The following DNAJC8 variants were observed in gnomAD, a reference collection of about 807,000 sequenced individuals.
DNAJC8 encodes the protein dnaJ homolog subfamily C member 8.
A neutral mutation model predicts 43.2 loss-of-function variants in DNAJC8; 24 were observed. The observed-to-expected ratio is 0.56, with a 90% CI of 0.40 to 0.78. DNAJC8 has a LOEUF of 0.78. Ranked by LOEUF, DNAJC8 falls within the 30% of genes least tolerant of loss-of-function variation. The pLI is 0.00. For missense variants in DNAJC8, 207 were observed against 299.4 expected, an observed-to-expected ratio of 0.69 and a Z score of 2.28; for synonymous variants, 83 against 98.0, an observed-to-expected ratio of 0.85 and a Z score of 0.90.
chr1:28,213,476 A>T (rs746998096), intron 3 of DNAJC8, among the ~76,000 whole-genome samples: 3 of 152,158 alleles, frequency 2.0e-5, no homozygotes, highest in Non-Finnish European at 4.4e-5. Flanking sequence ...GCTTAACTGT[A>T]GATCAGAAAA....
intron 6 of DNAJC8, among the ~76,000 whole-genome samples, chr1:28,206,735 T>A (rs1160467432): frequency 6.6e-6 from 1 of 152,248 alleles, no homozygotes; most frequent in East Asian, 1.9e-4. Flanking sequence ...AGTACAAAAG[T>A]AATCTGTCAT....
In DNAJC8 at chr1:28,210,677, C is replaced by G. The variant is rs755230029; in HGVS notation, c.238-40G>C. ...AAGTTGGGGTTGTCAATAAGGGAAACATTTACTAACTTCCAGCCTGCCCTG... is the reference window on the plus strand; with the variant it reads ...AAGTTGGGGTTGTCAATAAGGGAAAGATTTACTAACTTCCAGCCTGCCCTG... On this transcript the variant is annotated intron_variant, in intron 3 of 8. Coordinates refer to ENST00000263697, the MANE Select transcript of DNAJC8 (RefSeq NM_014280.3). 5.2e-6 allele frequency: 8 copies of G among 1,535,330 alleles called. No homozygotes were observed. The East Asian group carries it at 1.6e-4, about 30-fold the overall frequency.
At chr1:28,208,689 A>C in intron 5 of DNAJC8, 1 of 234,574 alleles carries the variant, frequency 4.3e-6, no homozygotes, top group Non-Finnish European at 8.2e-6. Context: ...TCCCCAACTC[A>C]TCAGATCCAA....
At chr1:28,231,191 C>G (rs1646971771) in intron 1 of DNAJC8, among the ~76,000 whole-genome samples, 1 of 151,732 alleles carries the variant, frequency 6.6e-6, no homozygotes, top group African/African-American at 2.4e-5. Context: ...GGCAACACAA[C>G]AAGACCCTGT....
chr1:28,201,021 T>G lies in DNAJC8; in HGVS notation c.*227A>C. On this transcript the variant is annotated 3_prime_UTR_variant, in exon 9 of 9. Coordinates refer to ENST00000263697, the MANE Select transcript of DNAJC8 (RefSeq NM_014280.3). Reference sequence around the variant, plus strand: ...CACCAATGGTGGCACCTTCTAATACTGGTTGTTCTAGGGGCAGGGAGAGGG... The same window carrying G: ...CACCAATGGTGGCACCTTCTAATACGGGTTGTTCTAGGGGCAGGGAGAGGG... 1 of 567,692 alleles carries G rather than the reference T, an allele frequency of 1.8e-6. No individual in the cohort carries two copies. The highest frequency in any genetic ancestry group is 3.0e-6 in the Non-Finnish European group (1 of 329,792). 35.2% of individuals were successfully genotyped at this position (567,692 alleles called of 1,614,324 possible).
chr1:28,232,535 AAAC>A (rs1458774911), intron 1 of DNAJC8, among the ~76,000 whole-genome samples: 1 of 152,154 alleles, frequency 6.6e-6, no homozygotes, highest in Non-Finnish European at 1.5e-5. Flanking sequence ...TGAATGGCAG[AAAC>A]AACCACTAAA....
chr1:28,224,699 T>C (rs956387516), intron 2 of DNAJC8, among the ~76,000 whole-genome samples: 5 of 151,824 alleles, frequency 3.3e-5, no homozygotes, highest in Non-Finnish European at 1.5e-5. Context: ...CCTGGCCAGC[T>C]TGGTGAAACC....
chr1:28,205,370 A>G (rs778257569), intron 6 of DNAJC8, 21 bp from the exon 7 acceptor site: 2 of 1,557,256 alleles, frequency 1.3e-6, no homozygotes, highest in Non-Finnish European at 1.8e-6. Flanking sequence ...ATCAAGAACA[A>G]AAGAAAATCA....
rs1463759749 is a variant in DNAJC8 at position 28,201,015 on chromosome 1, T to C, written c.*233A>G. On this transcript the variant is annotated 3_prime_UTR_variant, in exon 9 of 9. Coordinates refer to ENST00000263697, the MANE Select transcript of DNAJC8 (RefSeq NM_014280.3). ...AGGCAGCACCAATGGTGGCACCTTC[T>C]AATACTGGTTGTTCTAGGGGCAGGG... The C allele has an allele frequency of 2.4e-5, 13 of 552,914 alleles. No individual in the cohort carries two copies. Among genetic ancestry groups the C allele is most frequent in the Non-Finnish European group, 4.1e-5 (13 of 317,892 alleles). The allele number at this position is 552,914 out of a possible 1,614,324, so 34.3% of individuals were successfully genotyped here. A position where few individuals can be genotyped will look rare whatever the true frequency, so the allele number is the denominator to read the frequency against.
chr1:28,225,412 A>G (rs189577536), intron 2 of DNAJC8, among the ~76,000 whole-genome samples: 3 of 151,458 alleles, frequency 2.0e-5, no homozygotes, highest in Admixed American at 6.6e-5. Context: ...AAAAAACAGA[A>G]AACAGATGAA....
At chr1:28,223,521 G>A (rs1396316301) in intron 2 of DNAJC8, among the ~76,000 whole-genome samples, 1 of 151,914 alleles carries the variant, frequency 6.6e-6, no homozygotes. Flanking sequence ...GGGAAGGAGT[G>A]GCAGTGGGAA....
chr1:28,232,884 G>T (rs573802098), intron 1 of DNAJC8, 37 bp downstream of exon 1: 1 of 1,605,864 alleles, frequency 6.2e-7, no homozygotes, highest in South Asian at 1.1e-5. Flanking sequence ...TCCGGGAGCG[G>T]TCGCCCCGGT....
chr1:28,215,451 G>A (rs1312426713), intron 2 of DNAJC8, among the ~76,000 whole-genome samples: 1 of 152,080 alleles, frequency 6.6e-6, no homozygotes, highest in East Asian at 1.9e-4. Flanking sequence ...ATCACCTGTG[G>A]AAACCTGTGA....
At chr1:28,227,545 T>C (rs1646945156) in intron 2 of DNAJC8, among the ~76,000 whole-genome samples, 1 of 151,880 alleles carries the variant, frequency 6.6e-6, no homozygotes, top group African/African-American at 2.4e-5. Context: ...TAAGCCATGA[T>C]TGCACCACTG....
chr1:28,218,562 G>A (rs190198282), intron 2 of DNAJC8, among the ~76,000 whole-genome samples: 33 of 152,024 alleles, frequency 2.2e-4, no homozygotes, highest in Admixed American at 3.9e-4. Flanking sequence ...GACTGTAAGT[G>A]CGTGGAGCAC....
chr1:28,214,085 A>AT (rs201545471), intron 3 of DNAJC8, among the ~76,000 whole-genome samples: 7 of 150,048 alleles, frequency 4.7e-5, no homozygotes, highest in Non-Finnish European at 7.4e-5. Flanking sequence ...AACTGGAAGG[A>AT]TTTTTTTTTT....
At chr1:28,225,710 T>C (rs1188789348) in intron 2 of DNAJC8, among the ~76,000 whole-genome samples, 2 of 149,820 alleles carry the variant, frequency 1.3e-5, no homozygotes, top group East Asian at 3.9e-4. Context: ...TGGTAATTTT[T>C]TTTTTTTTTT....
rs542442410 is a variant in DNAJC8, at chr1:28,229,977, G to C, written c.79-954C>G. Among the ~76,000 whole-genome samples the C allele has an allele frequency of 3.3e-5, 5 of 152,248 alleles. No homozygotes were observed. The South Asian group carries it at 1.0e-3, about 32-fold the overall frequency. ...AAAATCCCTGACTTGGCCAGGCGGAGTAGCTGTCACCTGTAATCCCAACAT... is the reference window on the plus strand; with the variant it reads ...AAAATCCCTGACTTGGCCAGGCGGACTAGCTGTCACCTGTAATCCCAACAT... On this transcript the variant is annotated intron_variant, in intron 1 of 8. Transcript: ENST00000263697.
At chr1:28,208,515 A>T in intron 5 of DNAJC8, 102 bp from the exon 6 acceptor site, 2 of 587,838 alleles carry the variant, frequency 3.4e-6, no homozygotes, top group Non-Finnish European at 5.3e-6. Flanking sequence ...AGGCACGGGT[A>T]TAGCAAAAAG....
Sources: gnomAD v4.1 joint callset for allele counts (sites outside exome capture counted in the v4.1 genomes callset) on GRCh38, gnomAD v4.1.1 for gene constraint, MANE v1.5 for transcripts, NCBI Gene and HGNC (gene_info 2026-07-23, HGNC 2026-07-21) for gene names.